Variants in SYT1 observed in about 807,000 individuals in gnomAD.
The protein encoded by SYT1 is synaptotagmin 1.
In SYT1, 8 loss-of-function variants were observed where a neutral mutation model predicts 44.8. The ratio of observed to expected loss-of-function variants is 0.18; its 90% CI spans 0.10 to 0.32. The LOEUF is 0.32. Ranked by LOEUF, SYT1 falls within the 10% of genes least tolerant of loss-of-function variation. The pLI is 1.00. For synonymous variants in SYT1, 154 were observed against 188.8 expected (o/e 0.82, Z 1.51); for missense variants, 286 against 509.3 (o/e 0.56, Z 4.22).
chr12:79,333,312 C>T (rs1449815027), intron 8 of SYT1, among the ~76,000 whole-genome samples: 3 of 152,140 alleles, frequency 2.0e-5, no homozygotes, highest in Non-Finnish European at 4.4e-5. Context: ...AAGGAATTCT[C>T]TCTGGCCTCT....
intron 3 of SYT1, among the ~76,000 whole-genome samples, chr12:79,172,969 CAAAAAAAAAAAAAAAAAAAAAAAA>C (rs200575966): frequency 1.3e-4 from 2 of 15,720 alleles, no homozygotes; most frequent in Admixed American, 2.7e-3. Context: ...TTCCTGCTCT[CAAAAAAAAAAAAAAAAAAAAAAAA>C]AAAAAAAAAA....
At chr12:78,887,962 G>C (rs1005480294) in intron 1 of SYT1, among the ~76,000 whole-genome samples, 7 of 151,760 alleles carry the variant, frequency 4.6e-5, no homozygotes, top group Non-Finnish European at 7.4e-5. Context: ...TATTTCTAAA[G>C]AGGACTGCTC....
chr12:78,876,878 G>T (rs373194321), intron 1 of SYT1, among the ~76,000 whole-genome samples: 2 of 12,540 alleles, frequency 1.6e-4, no homozygotes, highest in Non-Finnish European at 4.6e-4. Flanking sequence ...TATATTATAT[G>T]TATTATATAT....
At chr12:79,138,515 AT>A (rs1250721835) in intron 3 of SYT1, among the ~76,000 whole-genome samples, 2 of 152,198 alleles carry the variant, frequency 1.3e-5, no homozygotes, top group Non-Finnish European at 2.9e-5. Context: ...TCTCACTTCT[AT>A]TCACCTCCTG....
chr12:79,274,231 G>A (rs948192843), intron 4 of SYT1, among the ~76,000 whole-genome samples: 3 of 152,202 alleles, frequency 2.0e-5, no homozygotes, highest in Admixed American at 6.5e-5. Flanking sequence ...TCTGCTTTGC[G>A]GGTCAATCCA....
intron 4 of SYT1, among the ~76,000 whole-genome samples, chr12:79,230,906 A>G (rs1413783201): frequency 6.6e-6 from 1 of 152,216 alleles, no homozygotes; most frequent in Non-Finnish European, 1.5e-5. Flanking sequence ...TAATTCAGGA[A>G]TTACTTTGCT....
rs1337663415 is a variant in SYT1 at position 79,156,017 on chromosome 12, T to C, written c.-17-61486T>C. 2.6e-5 allele frequency among the ~76,000 whole-genome samples: 4 copies of C among 152,236 alleles called. No homozygotes were observed. The East Asian group carries it at 7.7e-4, about 29-fold the overall frequency. ...CCAATCTTCCTAGAGGAAAAACATA[T>C]TAAAATCTACTTAGGTCTAACATCT... On this transcript the variant is annotated intron_variant, in intron 3 of 10. Transcript: ENST00000261205.
chr12:79,022,892 A>G (rs940868492), intron 2 of SYT1, among the ~76,000 whole-genome samples: 10 of 151,816 alleles, frequency 6.6e-5, no homozygotes, highest in African/African-American at 2.4e-4. Flanking sequence ...CTTTCGAAAG[A>G]CAAGCAAATC....
chr12:79,298,579 C>A (rs1450137629), intron 7 of SYT1, among the ~76,000 whole-genome samples: 1 of 152,076 alleles, frequency 6.6e-6, no homozygotes, highest in East Asian at 1.9e-4. Flanking sequence ...TATTTCTACC[C>A]AGTTACTGAA....
In SYT1 at chr12:79,432,028, T is replaced by C. The variant is rs566957032; in HGVS notation, c.929-12045T>C. On this transcript the variant is annotated intron_variant, in intron 9 of 10. Coordinates refer to ENST00000261205, the MANE Select transcript of SYT1 (RefSeq NM_005639.3). The stretch of plus-strand genomic sequence containing the variant: ...TATGAAAGAGAATCACATTTGGTCA[T>C]CAATGAATTAAAATGAAATATCTCT... Among the ~76,000 whole-genome samples the C allele has an allele frequency of 5.3e-4, 81 of 152,264 alleles. No homozygotes were observed. The Middle Eastern group carries it at 0.01, about 19-fold the overall frequency.
At chr12:79,408,254 C>G (rs959029877) in intron 9 of SYT1, among the ~76,000 whole-genome samples, 1 of 152,024 alleles carries the variant, frequency 6.6e-6, no homozygotes, top group Non-Finnish European at 1.5e-5. Flanking sequence ...AAATAATATG[C>G]CCAAGATCCC....
chr12:79,130,072 C>T (rs926891989), intron 3 of SYT1, among the ~76,000 whole-genome samples: 2 of 152,020 alleles, frequency 1.3e-5, no homozygotes, highest in Non-Finnish European at 2.9e-5. Flanking sequence ...TACATAAAAA[C>T]ATGGAAAATT....
chr12:79,247,854 C>G (rs762355775), intron 4 of SYT1, among the ~76,000 whole-genome samples: 34 of 152,070 alleles, frequency 2.2e-4, no homozygotes, highest in Non-Finnish European at 4.1e-4. Context: ...TAGTGAAAAT[C>G]TAGGAAGATG....
At chr12:79,110,633 C>T (rs751270688) in intron 3 of SYT1, among the ~76,000 whole-genome samples, 12 of 152,226 alleles carry the variant, frequency 7.9e-5, no homozygotes, top group Non-Finnish European at 1.8e-4. Context: ...AATTCATAAA[C>T]TTTAATTCTT....
chr12:79,448,155 A>G (rs1309818571), intron 10 of SYT1, among the ~76,000 whole-genome samples: 1 of 152,208 alleles, frequency 6.6e-6, no homozygotes, highest in Non-Finnish European at 1.5e-5. Context: ...AAAGGAAGTC[A>G]TCAAATAAAC....
At chr12:79,363,335 T>C (rs1427688163) in intron 9 of SYT1, among the ~76,000 whole-genome samples, 1 of 152,038 alleles carries the variant, frequency 6.6e-6, no homozygotes, top group Admixed American at 6.6e-5. Context: ...TTCCTGTTAG[T>C]AAAGCCTATA....
chr12:79,244,714 GAA>G (rs201236952), intron 4 of SYT1, among the ~76,000 whole-genome samples: 1 of 88,530 alleles, frequency 1.1e-5, no homozygotes, highest in Non-Finnish European at 2.6e-5. Flanking sequence ...AAAAAAAGAA[GAA>G]AAAAAAAAAA....
At chr12:79,091,350 A>C (rs904229150) in intron 3 of SYT1, among the ~76,000 whole-genome samples, 3 of 152,122 alleles carry the variant, frequency 2.0e-5, no homozygotes, top group African/African-American at 7.2e-5. Flanking sequence ...TTAAGTCTCT[A>C]CATGGTGTAA....
intron 1 of SYT1, among the ~76,000 whole-genome samples, chr12:78,899,051 A>G (rs1258421173): frequency 6.6e-6 from 1 of 152,052 alleles, no homozygotes; most frequent in East Asian, 1.9e-4. Context: ...CTCTGTATTA[A>G]CTTTATTATT....
Sources: gnomAD v4.1 joint callset for allele counts (sites outside exome capture counted in the v4.1 genomes callset) on GRCh38, gnomAD v4.1.1 for gene constraint, MANE v1.5 for transcripts, NCBI Gene and HGNC (gene_info 2026-07-23, HGNC 2026-07-21) for gene names.